Variants in IL20RB observed in about 807,000 individuals in gnomAD.
IL20RB encodes the protein interleukin 20 receptor subunit beta.
IL20RB carries 21 observed loss-of-function variants against 33.3 expected under a neutral mutation model. That is an observed-to-expected ratio of 0.63 (90% CI 0.45 to 0.91). The LOEUF (loss-of-function observed/expected upper bound fraction) is 0.91. Among genes scored for constraint, IL20RB ranks in the 40% least tolerant of loss-of-function variants. The pLI, the probability that IL20RB is intolerant of heterozygous loss-of-function variation, is 0.00. For synonymous variants in IL20RB, 147 were observed against 146.8 expected (o/e 1.00, Z -0.01); for missense variants, 345 against 384.8 (o/e 0.90, Z 0.86).
intron 1 of IL20RB, among the ~76,000 whole-genome samples, chr3:136,963,783 G>A (rs1388753430): frequency 1.1e-4 from 12 of 105,284 alleles, no homozygotes; most frequent in Non-Finnish European, 9.3e-5. Context: ...ATGCTGGTGC[G>A]CTGCACCCAC....
At chr3:136,963,061 GAAAT>G (rs1231516822) in intron 1 of IL20RB, among the ~76,000 whole-genome samples, 4 of 152,156 alleles carry the variant, frequency 2.6e-5, no homozygotes, top group Non-Finnish European at 4.4e-5. Flanking sequence ...CTGAAAGTCT[GAAAT>G]TATTTCAAAA....
chr3:136,987,264 A>G (rs1941925209), intron 3 of IL20RB, among the ~76,000 whole-genome samples: 1 of 151,984 alleles, frequency 6.6e-6, no homozygotes, highest in Non-Finnish European at 1.5e-5. Context: ...TGAGCTAGAC[A>G]CAAAGGTTCT....
chr3:136,973,660 GT>G (rs1941545590), intron 1 of IL20RB, among the ~76,000 whole-genome samples: 1 of 152,074 alleles, frequency 6.6e-6, no homozygotes, highest in African/African-American at 2.4e-5. Flanking sequence ...AGAGTGGGGT[GT>G]TAAAGTCCCC....
At chr3:137,001,576 C>T (rs1942242751) in intron 6 of IL20RB, among the ~76,000 whole-genome samples, 2 of 152,254 alleles carry the variant, frequency 1.3e-5, no homozygotes, top group Middle Eastern at 6.8e-3. Context: ...CTCATCTTTC[C>T]AACTAAACCA....
chr3:136,999,434 T>G (rs2011304859), intron 6 of IL20RB, among the ~76,000 whole-genome samples: 1 of 152,134 alleles, frequency 6.6e-6, no homozygotes, highest in African/African-American at 2.4e-5. Context: ...GATGGGGTTC[T>G]CCCTATGTTT....
intron 2 of IL20RB, 135 bp downstream of exon 2, chr3:136,980,727 T>C: frequency 2.5e-6 from 2 of 801,604 alleles, no homozygotes; most frequent in Non-Finnish European, 4.1e-6. Flanking sequence ...CCCCTCTGTC[T>C]GCATAGGCAT....
chr3:136,987,524 AC>A (rs999970969), intron 3 of IL20RB, among the ~76,000 whole-genome samples: 1 of 152,240 alleles, frequency 6.6e-6, no homozygotes, highest in Non-Finnish European at 1.5e-5. Flanking sequence ...AGCTGGCTTC[AC>A]CCAGTGGATC....
intron 6 of IL20RB, among the ~76,000 whole-genome samples, chr3:136,999,803 T>C (rs1217096731): frequency 5.9e-5 from 9 of 152,184 alleles, no homozygotes; most frequent in Non-Finnish European, 2.9e-5. Context: ...AAATTTCAGA[T>C]ATTGTGTTTT....
At chr3:136,977,660 A>G (rs569357969) in intron 1 of IL20RB, among the ~76,000 whole-genome samples, 28 of 151,916 alleles carry the variant, frequency 1.8e-4, no homozygotes, top group Non-Finnish European at 2.9e-4. Flanking sequence ...TGAATAGCCA[A>G]GATTACAGGC....
At chr3:137,000,453 G>A (rs1424938779) in intron 6 of IL20RB, among the ~76,000 whole-genome samples, 1 of 152,238 alleles carries the variant, frequency 6.6e-6, no homozygotes, top group Non-Finnish European at 1.5e-5. Flanking sequence ...GGCACCAAGT[G>A]GGACCTGCCT....
chr3:136,958,835 C>T lies in IL20RB; in HGVS notation c.88+634C>T, dbSNP rs184999366. Among the ~76,000 whole-genome samples, 6 of 152,184 alleles carry T rather than the reference C, an allele frequency of 3.9e-5. No homozygotes were observed. The East Asian group carries it at 1.2e-3, about 29-fold the overall frequency. Reference sequence around the variant, plus strand: ...TTTGATGTTTGTTCATGTCAAATCACGTTTAAGAGAAACTTCTAATTTTGA... The same window carrying T: ...TTTGATGTTTGTTCATGTCAAATCATGTTTAAGAGAAACTTCTAATTTTGA... On this transcript the variant is annotated intron_variant, in intron 1 of 6. Coordinates refer to ENST00000329582, the MANE Select transcript of IL20RB (RefSeq NM_144717.4).
chr3:136,987,586 C>T (rs361250), intron 3 of IL20RB, among the ~76,000 whole-genome samples: 2 of 151,970 alleles, frequency 1.3e-5, no homozygotes, highest in Admixed American at 6.5e-5. Context: ...GCCCTGCGTC[C>T]GCACTCCTCA....
intron 2 of IL20RB, among the ~76,000 whole-genome samples, chr3:136,981,265 T>TTTAATTTAAATTAAA (rs1941766165): frequency 6.8e-6 from 1 of 146,424 alleles, no homozygotes; most frequent in Admixed American, 6.9e-5. Context: ...GCTATTTAAA[T>TTTAATTTAAATTAAA]TTAAATTAAA....
intron 6 of IL20RB, among the ~76,000 whole-genome samples, chr3:137,006,072 T>C (rs1019306289): frequency 6.6e-6 from 1 of 152,218 alleles, no homozygotes; most frequent in Admixed American, 6.5e-5. Flanking sequence ...TTCTTTTCTT[T>C]AAGAATGTTG....
At chr3:136,961,256 A>G (rs1170461641) in intron 1 of IL20RB, among the ~76,000 whole-genome samples, 1 of 152,190 alleles carries the variant, frequency 6.6e-6, no homozygotes, top group Non-Finnish European at 1.5e-5. Flanking sequence ...ACTTGTCTTC[A>G]GGGAGCCTAA....
chr3:137,004,961 G>A (rs771198601), intron 6 of IL20RB, among the ~76,000 whole-genome samples: 4 of 152,160 alleles, frequency 2.6e-5, no homozygotes, highest in Admixed American at 2.0e-4. Context: ...ATTCTGCTAC[G>A]TTGTGTCTTT....
intron 6 of IL20RB, among the ~76,000 whole-genome samples, chr3:137,002,727 C>T (rs576783362): frequency 6.4e-4 from 97 of 152,198 alleles, no homozygotes; most frequent in African/African-American, 2.3e-3. Context: ...GTTGCCTGTT[C>T]ACTCTGATGG....
At chr3:136,971,595 GT>G (rs1481992173) in intron 1 of IL20RB, among the ~76,000 whole-genome samples, 1 of 152,096 alleles carries the variant, frequency 6.6e-6, no homozygotes, top group Non-Finnish European at 1.5e-5. Flanking sequence ...TATGATATTT[GT>G]TTTTTTGTTT....
intron 3 of IL20RB, among the ~76,000 whole-genome samples, chr3:136,984,082 T>C (rs1941846710): frequency 6.6e-6 from 1 of 152,190 alleles, no homozygotes; most frequent in Admixed American, 6.5e-5. Context: ...TAAGTGATCC[T>C]CTTGCCTCAG....
Sources: gnomAD v4.1 joint callset for allele counts (sites outside exome capture counted in the v4.1 genomes callset) on GRCh38, gnomAD v4.1.1 for gene constraint, MANE v1.5 for transcripts, NCBI Gene and HGNC (gene_info 2026-07-23, HGNC 2026-07-21) for gene names.